BIRC6: variants seen among roughly 807,000 people sequenced by gnomAD.
BIRC6 encodes dual E2 ubiquitin-conjugating enzyme/E3 ubiquitin-protein ligase BIRC6.
A neutral mutation model predicts 503.3 loss-of-function variants in BIRC6; 98 were observed. That is an observed-to-expected ratio of 0.19 (90% CI 0.17 to 0.23). The LOEUF (loss-of-function observed/expected upper bound fraction) is 0.23. BIRC6 is among the 10% of genes least tolerant of loss of function. BIRC6 has a pLI of 1.00. For missense variants in BIRC6, 5,360 were observed against 5,806.0 expected, an observed-to-expected ratio of 0.92 and a Z score of 2.50; for synonymous variants, 2,240 against 2,078.7, an observed-to-expected ratio of 1.08 and a Z score of -2.11.
intron 66 of BIRC6, among the ~76,000 whole-genome samples, chr2:32,592,862 T>C (rs1326634540): frequency 6.6e-6 from 1 of 152,224 alleles, no homozygotes; most frequent in East Asian, 1.9e-4. Context: ...CCCAAAGTGC[T>C]GGGATTACAG....
At position 32,604,986 on chromosome 2, in the gene BIRC6, T is replaced by C. The variant is rs2062345036; in HGVS notation, c.14070+1903T>C. Among the ~76,000 whole-genome samples, 5 of 151,644 alleles carry C rather than the reference T, an allele frequency of 3.3e-5. No homozygotes were observed. The South Asian group carries it at 1.0e-3, about 32-fold the overall frequency. On this transcript the variant is annotated intron_variant, in intron 71 of 73. Transcript: ENST00000421745. ...CAACCTCTGCGTCTCGGGTTCAAGCTGTGTTTCCACCTTAGCCTCCTGAGT... is the reference window on the plus strand; with the variant it reads ...CAACCTCTGCGTCTCGGGTTCAAGCCGTGTTTCCACCTTAGCCTCCTGAGT...
chr2:32,515,393 G>A lies in BIRC6; in HGVS notation c.10972G>A (p.Asp3658Asn). The A allele has an allele frequency of 6.2e-7, 1 of 1,613,352 alleles. No individual in the cohort carries two copies. The highest frequency in any genetic ancestry group is 1.6e-4 in the Middle Eastern group (1 of 6,062). ...CTCAGAAAGCATTGCCCAGTCAATA[G>A]ATATTTCCCAGGACAAACTCAGGCG... ...SSSESIAQSI[D>N]ISQDKLRRHH... Residue 3658 changes from aspartate (D) to asparagine (N), a missense_variant, in exon 55 of 74, where the codon GAT (aspartate) becomes AAT (asparagine). Coordinates refer to ENST00000421745, the MANE Select transcript of BIRC6 (RefSeq NM_016252.4).
chr2:32,599,714 C>G (rs745591208), intron 69 of BIRC6, 25 bp from the exon 70 acceptor site: 1 of 1,598,524 alleles, frequency 6.3e-7, no homozygotes, highest in South Asian at 1.1e-5. Flanking sequence ...TTAACATAGA[C>G]TTTTGTATGT....
intron 19 of BIRC6, 31 bp from the exon 20 acceptor site, chr2:32,443,460 T>C (rs2045629920): frequency 6.7e-7 from 1 of 1,488,650 alleles, no homozygotes; most frequent in African/African-American, 1.4e-5. Flanking sequence ...GAGTAATGTC[T>C]TTACAATTTT....
intron 66 of BIRC6, among the ~76,000 whole-genome samples, chr2:32,575,798 C>T (rs1426168079): frequency 6.6e-6 from 1 of 152,006 alleles, no homozygotes; most frequent in Non-Finnish European, 1.5e-5. Context: ...TGCACACCCT[C>T]ACACACAAGC....
At position 32,515,044 on chromosome 2, in the gene BIRC6, T is replaced by A. The variant is rs370556088; in HGVS notation, c.10623T>A (p.Ala3541=). ...SLPCNMVLKK[A]VDSLLCSMCH... ...CCTGCAATATGGTTTTGAAGAAAGC[T>A]GTTGACAGTCTACTTTGCTCAATGT... The change falls in exon 55 of 74, where the codon GCT becomes GCA. Residue 3541 remains alanine (A), a synonymous_variant. Transcript: ENST00000421745. 1.6e-5 allele frequency: 26 copies of A among 1,613,880 alleles called. No homozygotes were observed. In the African/African-American group the frequency reaches 2.8e-4, roughly 17 times the overall value.
rs1241990363 is a variant in BIRC6, at chr2:32,357,496, C to T, written c.325+10C>T. Reference sequence around the variant, plus strand: ...GCCTCCGCGCTCAGTGGTGAGTCTTCCGCACGCCGGGCGGGCGCGAAGCCG... The same window carrying T: ...GCCTCCGCGCTCAGTGGTGAGTCTTTCGCACGCCGGGCGGGCGCGAAGCCG... On this transcript the variant is annotated intron_variant, in intron 1 of 73. Transcript: ENST00000421745. The surrounding 1 kb of genome is among the most constrained non-coding windows in gnomAD (Gnocchi z 4.9). The T allele has an allele frequency of 1.9e-6, 3 of 1,539,674 alleles. No individual in the cohort carries two copies. The highest frequency in any genetic ancestry group is 1.7e-6 in the Non-Finnish European group (2 of 1,143,176).
chr2:32,476,581 A>G (rs1210987141), intron 34 of BIRC6, among the ~76,000 whole-genome samples: 5 of 152,174 alleles, frequency 3.3e-5, no homozygotes, highest in African/African-American at 7.2e-5. Flanking sequence ...TTGAAGATAA[A>G]GGATAGTGGA....
chr2:32,429,950 T>C (rs1391402593), intron 11 of BIRC6, among the ~76,000 whole-genome samples: 2 of 152,174 alleles, frequency 1.3e-5, no homozygotes, highest in African/African-American at 2.4e-5. Context: ...TGGAGAAGAT[T>C]TTTTATAAAG....
chr2:32,612,032 T>G (rs1356161113), intron 73 of BIRC6, among the ~76,000 whole-genome samples: 2 of 152,132 alleles, frequency 1.3e-5, no homozygotes, highest in Non-Finnish European at 2.9e-5. Context: ...GCTGCCACAG[T>G]GCCCAGTTAA....
At chr2:32,523,497 T>A (rs747047974) in intron 57 of BIRC6, 5 of 152,210 alleles carry the variant, frequency 3.3e-5, no homozygotes, top group Non-Finnish European at 7.3e-5. Context: ...TGTTTGCCAT[T>A]TTTAGTTGCT....
In BIRC6 at chr2:32,433,831, G is replaced by A. The variant is rs770054175; in HGVS notation, c.3409+27G>A. On this transcript the variant is annotated intron_variant, in intron 13 of 73. Coordinates refer to ENST00000421745, the MANE Select transcript of BIRC6 (RefSeq NM_016252.4). Reference sequence around the variant, plus strand: ...TAAGAATGTATCAAAATTTATCTTTGAAGATTTTATTTTGTGGTTGATTTC... The same window carrying A: ...TAAGAATGTATCAAAATTTATCTTTAAAGATTTTATTTTGTGGTTGATTTC... The A allele has an allele frequency of 2.4e-4, 352 of 1,445,616 alleles. 1 individual carries two copies. The highest frequency in any genetic ancestry group is 1.6e-3 in the Middle Eastern group (8 of 5,072). 89.5% of individuals were successfully genotyped at this position (1,445,616 alleles called of 1,614,324 possible).
At chr2:32,519,511 TTTTA>T (rs1181457762) in intron 57 of BIRC6, among the ~76,000 whole-genome samples, 2 of 152,088 alleles carry the variant, frequency 1.3e-5, no homozygotes. Flanking sequence ...CAACTTTTTA[TTTTA>T]TTTATTTATT....
At chr2:32,573,990 CT>C (rs976974349) in intron 65 of BIRC6, among the ~76,000 whole-genome samples, 1 of 151,552 alleles carries the variant, frequency 6.6e-6, no homozygotes, top group Non-Finnish European at 1.5e-5. Flanking sequence ...TGATACTTTA[CT>C]TTTTTTTGTT....
At chr2:32,576,546 GTCAT>G (rs2060276903) in intron 66 of BIRC6, among the ~76,000 whole-genome samples, 1 of 152,094 alleles carries the variant, frequency 6.6e-6, no homozygotes, top group East Asian at 1.9e-4. Context: ...GTAAATTAAT[GTCAT>G]TTACCGTATT....
chr2:32,560,623 C>G (rs934623132), intron 65 of BIRC6, among the ~76,000 whole-genome samples: 11 of 152,116 alleles, frequency 7.2e-5, no homozygotes, highest in Admixed American at 7.2e-4. Flanking sequence ...CTCTGCCACC[C>G]GGGCTGGAGT....
At chr2:32,484,687 T>C (rs897243335) in intron 39 of BIRC6, among the ~76,000 whole-genome samples, 9 of 152,198 alleles carry the variant, frequency 5.9e-5, no homozygotes, top group African/African-American at 2.2e-4. Context: ...TGGAAAAATG[T>C]AAATAACATA....
intron 61 of BIRC6, among the ~76,000 whole-genome samples, chr2:32,538,589 G>C (rs72855992): frequency 0.04 from 6,071 of 152,302 alleles, 196 homozygotes; most frequent in African/African-American, 0.092. Context: ...TAAACACACT[G>C]CAAGGAAGAT....
chr2:32,531,275 T>C (rs976716154), intron 60 of BIRC6, 80 bp from the exon 61 acceptor site: 3 of 1,232,518 alleles, frequency 2.4e-6, no homozygotes, highest in East Asian at 2.5e-5. Context: ...AAAGCAGTAA[T>C]ACCTGCTTTT....
Sources: gnomAD v4.1 joint callset for allele counts (sites outside exome capture counted in the v4.1 genomes callset) on GRCh38, gnomAD v4.1.1 for gene constraint, Gnocchi (gnomAD v3.1) non-coding constraint, MANE v1.5 for transcripts, NCBI Gene and HGNC (gene_info 2026-07-23, HGNC 2026-07-21) for gene names.